The following PIEZO2 variants were observed in gnomAD, a reference collection of about 807,000 sequenced individuals.
PIEZO2 encodes piezo-type mechanosensitive ion channel component 2.
In PIEZO2, 172 loss-of-function variants were observed where a neutral mutation model predicts 337.3. The observed-to-expected ratio is 0.51, with a 90% CI of 0.45 to 0.58. The LOEUF (loss-of-function observed/expected upper bound fraction) is 0.58, where lower values mean the gene tolerates loss of function less well. Among genes scored for constraint, PIEZO2 ranks in the 20% least tolerant of loss-of-function variants. The pLI, the probability that PIEZO2 is intolerant of heterozygous loss-of-function variation, is 0.00. For synonymous variants in PIEZO2, 1,251 were observed against 1,228.5 expected (o/e 1.02, Z -0.38); for missense variants, 3,028 against 3,391.3 (o/e 0.89, Z 2.66).
At position 10,813,996 on chromosome 18, in the gene PIEZO2, T is replaced by C. The variant is rs561525529; in HGVS notation, c.918-6722A>G. The stretch of plus-strand genomic sequence containing the variant: ...ATTTTTTTTTTTTTTGAGATGGAGT[T>C]TTGCTCTGTGGCCCAGGCTGGAGTG... On this transcript the variant is annotated intron_variant, in intron 7 of 55. Transcript: ENST00000674853. The surrounding 1 kb of genome is among the most constrained non-coding windows in gnomAD (Gnocchi z 4.2). 1.6e-4 allele frequency among the ~76,000 whole-genome samples: 25 copies of C among 151,700 alleles called. No individual in the cohort carries two copies. The East Asian group carries it at 4.7e-3, about 28-fold the overall frequency.
intron 2 of PIEZO2, among the ~76,000 whole-genome samples, chr18:11,006,796 G>C (rs1251577370): frequency 6.6e-6 from 1 of 151,940 alleles, no homozygotes; most frequent in African/African-American, 2.4e-5. Context: ...TGACTATGAA[G>C]TATGTTCTTA....
chr18:10,905,794 C>T (rs2043161489), intron 4 of PIEZO2, among the ~76,000 whole-genome samples: 1 of 152,152 alleles, frequency 6.6e-6, no homozygotes, highest in South Asian at 2.1e-4. Flanking sequence ...CTTTTATAAG[C>T]ACTCTCCAAT....
At position 10,819,799 on chromosome 18, in the gene PIEZO2, T is replaced by C. The variant is rs533665383; in HGVS notation, c.918-12525A>G. ...TAATTTGTAGAGCTAAGCTTCTACC[T>C]GAAATCATTTTCCTTAAGTCTGAAG... On this transcript the variant is annotated intron_variant, in intron 7 of 55. Transcript: ENST00000674853. The surrounding 1 kb of genome is among the most constrained non-coding windows in gnomAD (Gnocchi z 4.3). Among the ~76,000 whole-genome samples, 3 of 152,334 alleles carry C rather than the reference T, an allele frequency of 2.0e-5. No individual in the cohort carries two copies. Among genetic ancestry groups the C allele is most frequent in the African/African-American group, 7.2e-5 (3 of 41,594 alleles).
Position 10,759,595 on chromosome 18 carries a change from G to T in PIEZO2, c.3656-12C>A. ...TCTCCACGGGTAATCTGCAGGGAGGGAAGTGGCGAACAGCACAATCAATAC... is the reference window on the plus strand; with the variant it reads ...TCTCCACGGGTAATCTGCAGGGAGGTAAGTGGCGAACAGCACAATCAATAC... On this transcript the variant is annotated splice_polypyrimidine_tract_variant and intron_variant, in intron 25 of 55. Coordinates refer to ENST00000674853, the MANE Select transcript of PIEZO2 (RefSeq NM_001378183.1). The surrounding 1 kb of genome is among the most constrained non-coding windows in gnomAD (Gnocchi z 5.5). 6.5e-7 allele frequency: 1 copy of T among 1,536,458 alleles called. No homozygotes were observed.
In PIEZO2 at chr18:11,099,588, TC is replaced by T. The variant is rs1357012286; in HGVS notation, c.65-33367del. 6.6e-6 allele frequency among the ~76,000 whole-genome samples: 1 copy of T among 152,238 alleles called. No individual in the cohort carries two copies. The highest frequency in any genetic ancestry group is 1.5e-5 in the Non-Finnish European group (1 of 68,046). ...TTCAAATGATTCTCTGGCCTTAGCCTCCCGAGTAGCGGGGATCACAGGTGCC... is the reference window on the plus strand; with the variant it reads ...TTCAAATGATTCTCTGGCCTTAGCCTCCGAGTAGCGGGGATCACAGGTGCC... On this transcript the variant is annotated intron_variant, in intron 1 of 55. Coordinates refer to ENST00000674853, the MANE Select transcript of PIEZO2 (RefSeq NM_001378183.1). The surrounding 1 kb of genome is among the most constrained non-coding windows in gnomAD (Gnocchi z 5.4).
intron 4 of PIEZO2, among the ~76,000 whole-genome samples, chr18:10,880,850 T>TC (rs1238906950): frequency 1.8e-4 from 1 of 5,464 alleles, no homozygotes; most frequent in African/African-American, 6.0e-4. Context: ...ACATATCATA[T>TC]ATATATATAT....
intron 1 of PIEZO2, among the ~76,000 whole-genome samples, chr18:11,067,967 G>C (rs534707004): frequency 6.6e-6 from 1 of 152,286 alleles, no homozygotes; most frequent in South Asian, 2.1e-4. Flanking sequence ...TGTCCCCCAG[G>C]CTGCAGTGCA....
At chr18:10,867,353 C>G (rs1203420233) in intron 5 of PIEZO2, among the ~76,000 whole-genome samples, 2 of 152,092 alleles carry the variant, frequency 1.3e-5, no homozygotes, top group Non-Finnish European at 1.5e-5. Context: ...GAAGCACAGC[C>G]CATTTGGTCA....
chr18:10,726,056 T>G lies in PIEZO2; in HGVS notation c.5029+5351A>C, dbSNP rs543141334. 1.3e-5 allele frequency among the ~76,000 whole-genome samples: 2 copies of G among 152,078 alleles called. No individual in the cohort carries two copies. The highest frequency in any genetic ancestry group is 2.9e-5 in the Non-Finnish European group (2 of 68,008). ...CCAGGATGTTGGGCAGGGTGGTATA[T>G]GTATTCTTGTGTCCAGGAGGGCTGG... On this transcript the variant is annotated intron_variant, in intron 36 of 55. Transcript: ENST00000674853. This position sits in a 1 kb window ranked among gnomAD's most constrained non-coding sequence, Gnocchi z 5.9.
At chr18:11,057,736 G>A (rs2037783286) in intron 2 of PIEZO2, among the ~76,000 whole-genome samples, 1 of 152,170 alleles carries the variant, frequency 6.6e-6, no homozygotes, top group South Asian at 2.1e-4. Context: ...ACTCCTAAAA[G>A]CTGTTCCAAC....
At chr18:10,994,964 TG>T (rs1000515469) in intron 2 of PIEZO2, among the ~76,000 whole-genome samples, 1 of 149,860 alleles carries the variant, frequency 6.7e-6, no homozygotes, top group Non-Finnish European at 1.5e-5. Context: ...CTCAGCTACT[TG>T]GGAGGCTGAG....
chr18:10,797,649 C>T (rs913836890), intron 11 of PIEZO2, 127 bp from the exon 12 acceptor site: 2 of 1,411,234 alleles, frequency 1.4e-6, no homozygotes, highest in East Asian at 2.5e-5. Context: ...AAATTGTTTC[C>T]CATTCATAAA....
chr18:10,816,959 G>C (rs562994912), intron 7 of PIEZO2, among the ~76,000 whole-genome samples: 2 of 152,212 alleles, frequency 1.3e-5, no homozygotes, highest in South Asian at 2.1e-4. Flanking sequence ...AATAAAATTA[G>C]GCATGGTACA....
At chr18:10,686,543 T>C (rs1301571593) in intron 49 of PIEZO2, among the ~76,000 whole-genome samples, 1 of 152,202 alleles carries the variant, frequency 6.6e-6, no homozygotes, top group African/African-American at 2.4e-5. Context: ...TCAACAAACA[T>C]TTACTGTGTG....
At chr18:11,074,176 G>C (rs2038446257) in intron 1 of PIEZO2, among the ~76,000 whole-genome samples, 1 of 152,190 alleles carries the variant, frequency 6.6e-6, no homozygotes, top group African/African-American at 2.4e-5. Context: ...GTGTGATACT[G>C]CCTTTGTTCA....
intron 14 of PIEZO2, among the ~76,000 whole-genome samples, chr18:10,789,608 A>G (rs1454480099): frequency 6.6e-6 from 1 of 152,208 alleles, no homozygotes; most frequent in African/African-American, 2.4e-5. Context: ...TATATACAAG[A>G]TCTTTTTTCT....
In PIEZO2 at chr18:10,784,998, C is replaced by A. The variant is rs144749782; in HGVS notation, c.2319-41G>T. Reference sequence around the variant, plus strand: ...AAATAAAAAGCAGGAACCTCTCTTACGCAATGAAGTCACAAACTCTTTGTG... The same window carrying A: ...AAATAAAAAGCAGGAACCTCTCTTAAGCAATGAAGTCACAAACTCTTTGTG... On this transcript the variant is annotated intron_variant, in intron 16 of 55. Transcript: ENST00000674853. The surrounding 1 kb of genome is among the most constrained non-coding windows in gnomAD (Gnocchi z 4.5). 6.6e-7 allele frequency: 1 copy of A among 1,504,930 alleles called. No homozygotes were observed. The highest frequency in any genetic ancestry group is 8.8e-7 in the Non-Finnish European group (1 of 1,130,844). 93.2% of individuals were successfully genotyped at this position (1,504,930 alleles called of 1,614,324 possible).
rs2039301398 is a variant in PIEZO2, at chr18:11,097,802, C to T, written c.65-31580G>A. On this transcript the variant is annotated intron_variant, in intron 1 of 55. Transcript: ENST00000674853. The surrounding 1 kb of genome is among the most constrained non-coding windows in gnomAD (Gnocchi z 5.0). ...ATATTCCTAAATCAGAAAAAGTCTA[C>T]CCACTGGGCTGTTTTCTAAAGACTT... 6.6e-6 allele frequency among the ~76,000 whole-genome samples: 1 copy of T among 152,124 alleles called. No individual in the cohort carries two copies. The highest frequency in any genetic ancestry group is 2.1e-4 in the South Asian group (1 of 4,824).
chr18:10,718,998 TAAATAAATA>T (rs2036134388), intron 36 of PIEZO2, among the ~76,000 whole-genome samples: 1 of 150,548 alleles, frequency 6.6e-6, no homozygotes, highest in African/African-American at 2.4e-5. Flanking sequence ...AATAAATAAA[TAAATAAATA>T]AATAAATAAA....
Sources: allele counts gnomAD v4.1 joint callset (sites outside exome capture counted in the v4.1 genomes callset), GRCh38; gene constraint gnomAD v4.1.1; non-coding constraint Gnocchi (gnomAD v3.1); transcripts MANE v1.5; gene names NCBI Gene and HGNC (gene_info 2026-07-23, HGNC 2026-07-21).